The following FRMD4A variants were observed in gnomAD, a reference collection of about 807,000 sequenced individuals.
The protein encoded by FRMD4A is FERM domain-containing protein 4A.
Under a neutral mutation model 129.1 loss-of-function variants are expected in FRMD4A, and 29 were observed. The observed-to-expected ratio is 0.22, with a 90% CI of 0.17 to 0.31. The LOEUF (loss-of-function observed/expected upper bound fraction) is 0.31, where lower values mean the gene tolerates loss of function less well. Ranked by LOEUF, FRMD4A falls within the 10% of genes least tolerant of loss-of-function variation. The probability of loss-of-function intolerance (pLI) is 1.00; values close to 1 mark genes in which losing one functional copy is unlikely to be tolerated. For synonymous variants in FRMD4A, 634 were observed against 571.6 expected (o/e 1.11, Z -1.56); for missense variants, 1,272 against 1,375.8 (o/e 0.92, Z 1.19).
chr10:13,980,850 CAA>C (rs1344865705), intron 2 of FRMD4A, among the ~76,000 whole-genome samples: 1 of 152,150 alleles, frequency 6.6e-6, no homozygotes, highest in Non-Finnish European at 1.5e-5. Flanking sequence ...TAAAACAAAA[CAA>C]AAAGCTGCCA....
intron 2 of FRMD4A, among the ~76,000 whole-genome samples, chr10:13,925,366 T>C (rs1472867811): frequency 2.6e-5 from 4 of 152,134 alleles, no homozygotes; most frequent in African/African-American, 4.8e-5. Context: ...ATATTTACTT[T>C]TGTGTACAAA....
intron 2 of FRMD4A, among the ~76,000 whole-genome samples, chr10:13,992,543 A>G (rs1421935907): frequency 6.6e-6 from 1 of 152,198 alleles, no homozygotes; most frequent in African/African-American, 2.4e-5. Context: ...ACAAAATGAC[A>G]CTAAACATCA....
In FRMD4A at chr10:13,747,843, C is replaced by T. The variant is rs566781108; in HGVS notation, c.465-24G>A. ...TGCTGAAAGAGAGAATGCCCAGAAA[C>T]GCACTCACCCTCTGAGAAAATAATC... On this transcript the variant is annotated intron_variant, in intron 8 of 24. Coordinates refer to ENST00000357447, the MANE Select transcript of FRMD4A (RefSeq NM_018027.5). The T allele has an allele frequency of 7.6e-5, 100 of 1,319,032 alleles. No individual in the cohort carries two copies. In the South Asian group the frequency reaches 8.1e-4, roughly 11 times the overall value. The allele number at this position is 1,319,032 out of a possible 1,614,324, so 81.7% of individuals were successfully genotyped here. A position where few individuals can be genotyped will look rare whatever the true frequency, so the allele number is the denominator to read the frequency against.
intron 6 of FRMD4A, among the ~76,000 whole-genome samples, chr10:13,782,642 CCACGTTGG>C (rs796867337): frequency 9.9e-5 from 15 of 152,168 alleles, no homozygotes; most frequent in African/African-American, 3.6e-4. Flanking sequence ...CAGGGTTTCA[CCACGTTGG>C]CCAGGATAAT....
At chr10:14,105,764 T>G (rs1177270545) in intron 2 of FRMD4A, among the ~76,000 whole-genome samples, 1 of 152,178 alleles carries the variant, frequency 6.6e-6, no homozygotes, top group Admixed American at 6.5e-5. Context: ...ATTTCTTCCT[T>G]TTTTCTTGCA....
At position 14,010,664 on chromosome 10, in the gene FRMD4A, C is replaced by CTTTTTTTTTTTT. The variant is rs779471389; in HGVS notation, c.46-151764_46-151753dup. Among the ~76,000 whole-genome samples the CTTTTTTTTTTTT allele has an allele frequency of 3.5e-4, 27 of 76,428 alleles. 1 individual carries two copies. The highest frequency in any genetic ancestry group is 9.7e-4 in the African/African-American group (22 of 22,580). The allele number at this position is 76,428 out of a possible 152,430, so 50.1% of individuals were successfully genotyped here. A position where few individuals can be genotyped will look rare whatever the true frequency, so the allele number is the denominator to read the frequency against. ...TCAAAATTAATTGTCGAGTTTAGGT[C>CTTTTTTTTTTTT]TTTTTTTTTTTTTTTTTTTTTTTTA... On this transcript the variant is annotated intron_variant, in intron 2 of 24. Transcript: ENST00000357447.
At chr10:14,063,960 G>A (rs1212054648) in intron 2 of FRMD4A, among the ~76,000 whole-genome samples, 2 of 152,128 alleles carry the variant, frequency 1.3e-5, no homozygotes, top group African/African-American at 4.8e-5. Flanking sequence ...GAGCCCTACT[G>A]AACGGTTCAA....
chr10:14,264,574 T>C (rs905474884), intron 2 of FRMD4A, among the ~76,000 whole-genome samples: 4 of 152,096 alleles, frequency 2.6e-5, no homozygotes, highest in Non-Finnish European at 5.9e-5. Context: ...TAACTTAGTG[T>C]AAAAAATAAT....
chr10:13,828,932 ATCTTTT>A (rs2093746878), intron 3 of FRMD4A, among the ~76,000 whole-genome samples: 1 of 152,192 alleles, frequency 6.6e-6, no homozygotes, highest in African/African-American at 2.4e-5. Context: ...AAGTGCAGGT[ATCTTTT>A]TGATATAATG....
intron 9 of FRMD4A, among the ~76,000 whole-genome samples, chr10:13,745,396 TC>T (rs2091239790): frequency 6.6e-6 from 1 of 151,960 alleles, no homozygotes; most frequent in Admixed American, 6.6e-5. Flanking sequence ...TACACGTGGC[TC>T]CCCCGTCCTG....
intron 15 of FRMD4A, among the ~76,000 whole-genome samples, chr10:13,682,215 C>T (rs1193914547): frequency 6.6e-6 from 1 of 152,122 alleles, no homozygotes; most frequent in South Asian, 2.1e-4. Context: ...CAAAGCAAGA[C>T]CCCGTCTGAA....
At chr10:13,699,113 T>A (rs1282187489) in intron 14 of FRMD4A, among the ~76,000 whole-genome samples, 1 of 148,624 alleles carries the variant, frequency 6.7e-6, no homozygotes, top group Non-Finnish European at 1.5e-5. Context: ...TGGAGTGCAG[T>A]GGTGTGATCT....
intron 12 of FRMD4A, among the ~76,000 whole-genome samples, chr10:13,723,243 A>G (rs910910218): frequency 6.6e-6 from 1 of 152,248 alleles, no homozygotes; most frequent in African/African-American, 2.4e-5. Flanking sequence ...CTAGGTCAAC[A>G]TGTATCTTTG....
At chr10:13,686,515 G>T (rs1564610034) in intron 15 of FRMD4A, among the ~76,000 whole-genome samples, 1 of 152,242 alleles carries the variant, frequency 6.6e-6, no homozygotes, top group Non-Finnish European at 1.5e-5. Context: ...GCTGAGGACT[G>T]AATGTGGACG....
intron 9 of FRMD4A, among the ~76,000 whole-genome samples, chr10:13,744,946 A>G (rs2135065797): frequency 6.6e-6 from 1 of 152,322 alleles, no homozygotes; most frequent in East Asian, 1.9e-4. Context: ...ATCTATGTAT[A>G]TATAGGGATA....
At chr10:14,051,092 A>C (rs1330027331) in intron 2 of FRMD4A, among the ~76,000 whole-genome samples, 5 of 152,236 alleles carry the variant, frequency 3.3e-5, no homozygotes, top group Admixed American at 1.3e-4. Context: ...TTGCAAAGGC[A>C]TTGTTGGACA....
At chr10:13,778,264 C>G (rs1306876193) in intron 6 of FRMD4A, among the ~76,000 whole-genome samples, 2 of 152,170 alleles carry the variant, frequency 1.3e-5, no homozygotes, top group Non-Finnish European at 2.9e-5. Flanking sequence ...CTCTTACAAT[C>G]TGTATGTAAG....
chr10:13,763,923 C>T (rs1019376590), intron 6 of FRMD4A, among the ~76,000 whole-genome samples: 4 of 151,882 alleles, frequency 2.6e-5, no homozygotes, highest in Admixed American at 6.6e-5. Context: ...TTAGTACAGA[C>T]GGGGTACCAG....
chr10:14,184,443 TCA>T (rs926285652), intron 2 of FRMD4A, among the ~76,000 whole-genome samples: 1 of 151,622 alleles, frequency 6.6e-6, no homozygotes, highest in Non-Finnish European at 1.5e-5. Context: ...TTGAGTAATC[TCA>T]GTTATTTATC....
Sources: gnomAD v4.1 joint callset for allele counts (sites outside exome capture counted in the v4.1 genomes callset) on GRCh38, gnomAD v4.1.1 for gene constraint, MANE v1.5 for transcripts, NCBI Gene and HGNC (gene_info 2026-07-23, HGNC 2026-07-21) for gene names.